The following ARHGAP24 variants were observed in gnomAD, a reference collection of about 807,000 sequenced individuals.
The protein encoded by ARHGAP24 is rho GTPase-activating protein 24.
In ARHGAP24, 50 loss-of-function variants were observed where a neutral mutation model predicts 76.4. That is an observed-to-expected ratio of 0.65 (90% confidence interval 0.52 to 0.83). The LOEUF (loss-of-function observed/expected upper bound fraction) is 0.83, where lower values mean the gene tolerates loss of function less well. Ranked by LOEUF, ARHGAP24 falls within the 40% of genes least tolerant of loss-of-function variation. The probability of loss-of-function intolerance (pLI) is 0.00; values close to 1 mark genes in which losing one functional copy is unlikely to be tolerated. For missense variants in ARHGAP24, 930 were observed against 914.2 expected (o/e 1.02, Z -0.22); for synonymous variants, 345 against 323.3 (o/e 1.07, Z -0.72).
intron 1 of ARHGAP24, among the ~76,000 whole-genome samples, chr4:85,487,847 T>C (rs1485384180): frequency 1.6e-5 from 2 of 123,332 alleles, no homozygotes; most frequent in Admixed American, 1.1e-4. Context: ...TATATAAATA[T>C]ATATTTATTA....
At chr4:85,753,129 A>T (rs1185837625) in intron 3 of ARHGAP24, among the ~76,000 whole-genome samples, 1 of 152,206 alleles carries the variant, frequency 6.6e-6, no homozygotes, top group Non-Finnish European at 1.5e-5. Flanking sequence ...ACTGGTGTAA[A>T]AGAAAAGAAA....
At chr4:85,499,256 T>C (rs1371038583) in intron 1 of ARHGAP24, among the ~76,000 whole-genome samples, 1 of 152,220 alleles carries the variant, frequency 6.6e-6, no homozygotes, top group Non-Finnish European at 1.5e-5. Context: ...AAGTGACTGG[T>C]CTAAAAAGGG....
Position 85,647,309 on chromosome 4 carries a change from CAA to C in ARHGAP24, c.181-74574_181-74573del, listed in dbSNP as rs1201065065. ...ATTATTGAGATGCATTTTGTGAAAA[CAA>C]AGAGAATTAAATCATAGCAAAATGG... On this transcript the variant is annotated intron_variant, in intron 2 of 9. Transcript: ENST00000395184. Among the ~76,000 whole-genome samples the C allele has an allele frequency of 1.1e-4, 17 of 152,000 alleles. 1 individual carries two copies. Among genetic ancestry groups the C allele is most frequent in the Admixed American group, 7.9e-4 (12 of 15,226 alleles).
intron 1 of ARHGAP24, among the ~76,000 whole-genome samples, chr4:85,542,560 C>T (rs1056569628): frequency 6.6e-6 from 1 of 152,098 alleles, no homozygotes; most frequent in Admixed American, 6.5e-5. Flanking sequence ...CATATGTATG[C>T]TTTTCAGATA....
chr4:85,913,465 T>C (rs903002102), intron 3 of ARHGAP24, among the ~76,000 whole-genome samples: 13 of 152,032 alleles, frequency 8.6e-5, no homozygotes, highest in African/African-American at 3.1e-4. Flanking sequence ...CAGCCTCTCT[T>C]GTTTCTTTCT....
chr4:85,844,364 T>C (rs955231065), intron 3 of ARHGAP24, among the ~76,000 whole-genome samples: 2 of 152,196 alleles, frequency 1.3e-5, no homozygotes, highest in African/African-American at 2.4e-5. Flanking sequence ...TTATAAGCTA[T>C]TAGTAAATAT....
intron 1 of ARHGAP24, among the ~76,000 whole-genome samples, chr4:85,535,963 G>T (rs1179071352): frequency 1.3e-5 from 2 of 152,060 alleles, no homozygotes; most frequent in Non-Finnish European, 2.9e-5. Flanking sequence ...TTGATTGCCT[G>T]TGTCTCGTGA....
intron 2 of ARHGAP24, among the ~76,000 whole-genome samples, chr4:85,680,444 A>G (rs1723163985): frequency 6.6e-6 from 1 of 152,196 alleles, no homozygotes; most frequent in Non-Finnish European, 1.5e-5. Context: ...GAGAGCCAAA[A>G]AAAGTATCAA....
Position 85,591,238 on chromosome 4 carries a change from G to T in ARHGAP24, c.180+20517G>T, listed in dbSNP as rs117538291. Reference sequence around the variant, plus strand: ...TTATTGTATTTTTAGTAGAAATGAGGCTTCACCGCTTTGGCCAGGCTGCTC... The same window carrying T: ...TTATTGTATTTTTAGTAGAAATGAGTCTTCACCGCTTTGGCCAGGCTGCTC... On this transcript the variant is annotated intron_variant, in intron 2 of 9. Transcript: ENST00000395184. Among the ~76,000 whole-genome samples the T allele has an allele frequency of 5.3e-5, 8 of 151,940 alleles. No individual in the cohort carries two copies. In the East Asian group the frequency reaches 1.5e-3, roughly 29 times the overall value.
intron 2 of ARHGAP24, among the ~76,000 whole-genome samples, chr4:85,652,543 C>CTAT (rs1415146092): frequency 1.3e-5 from 2 of 152,142 alleles, no homozygotes; most frequent in Non-Finnish European, 2.9e-5. Flanking sequence ...TTGACTTGTT[C>CTAT]TCATATCTGC....
chr4:85,962,181 A>G (rs541782596), intron 5 of ARHGAP24, among the ~76,000 whole-genome samples: 1 of 152,252 alleles, frequency 6.6e-6, no homozygotes, highest in Non-Finnish European at 1.5e-5. Flanking sequence ...GCGTACATTA[A>G]TACATTTACT....
At chr4:85,524,908 A>G (rs903239690) in intron 1 of ARHGAP24, among the ~76,000 whole-genome samples, 2 of 152,158 alleles carry the variant, frequency 1.3e-5, no homozygotes, top group African/African-American at 4.8e-5. Flanking sequence ...AAAACCCAAC[A>G]AATGGGAGAG....
At chr4:85,606,397 C>T (rs1009034968) in intron 2 of ARHGAP24, among the ~76,000 whole-genome samples, 1 of 151,906 alleles carries the variant, frequency 6.6e-6, no homozygotes, top group Non-Finnish European at 1.5e-5. Context: ...CCTGTAGTCC[C>T]AGCTACTCGG....
intron 1 of ARHGAP24, among the ~76,000 whole-genome samples, chr4:85,506,474 G>C (rs933191661): frequency 2.6e-5 from 4 of 152,334 alleles, no homozygotes; most frequent in Admixed American, 2.6e-4. Flanking sequence ...CCCCAGCCAG[G>C]CTGCAGCCTT....
At chr4:85,627,338 C>G (rs766038579) in intron 2 of ARHGAP24, among the ~76,000 whole-genome samples, 1 of 152,188 alleles carries the variant, frequency 6.6e-6, no homozygotes, top group Non-Finnish European at 1.5e-5. Flanking sequence ...TAGAGGTCCA[C>G]TCCAGACCCT....
chr4:85,542,200 T>C (rs1725731228), intron 1 of ARHGAP24, among the ~76,000 whole-genome samples: 1 of 152,230 alleles, frequency 6.6e-6, no homozygotes, highest in African/African-American at 2.4e-5. Flanking sequence ...TTAATTAATA[T>C]GGCTTGTGTA....
At chr4:85,698,509 T>A (rs1483578456) in intron 2 of ARHGAP24, among the ~76,000 whole-genome samples, 1 of 152,244 alleles carries the variant, frequency 6.6e-6, no homozygotes, top group East Asian at 1.9e-4. Context: ...ACATCCTTCC[T>A]GGCTTCATAG....
intron 3 of ARHGAP24, among the ~76,000 whole-genome samples, chr4:85,900,768 G>A (rs1400265042): frequency 1.3e-5 from 2 of 152,118 alleles, no homozygotes. Flanking sequence ...GGATTCTCCT[G>A]GAAATCAGAA....
chr4:85,748,760 T>C (rs1056713130), intron 3 of ARHGAP24, among the ~76,000 whole-genome samples: 11 of 152,116 alleles, frequency 7.2e-5, no homozygotes, highest in Admixed American at 5.2e-4. Flanking sequence ...AAGAGCAAAA[T>C]TAGAATGGGT....
Sources: gnomAD v4.1 joint callset for allele counts (sites outside exome capture counted in the v4.1 genomes callset) on GRCh38, gnomAD v4.1.1 for gene constraint, MANE v1.5 for transcripts, NCBI Gene and HGNC (gene_info 2026-07-23, HGNC 2026-07-21) for gene names.